The following EYS variants were observed in gnomAD, a reference collection of about 807,000 sequenced individuals.
EYS encodes the protein EGF-like photoreceptor maintenance factor.
EYS carries 250 observed loss-of-function variants against 282.1 expected under a neutral mutation model. The ratio of observed to expected loss-of-function variants is 0.89; its 90% CI spans 0.80 to 0.98. EYS has a LOEUF of 0.98. Among genes scored for constraint, EYS ranks in the 50% least tolerant of loss-of-function variants. The probability of loss-of-function intolerance (pLI) is 0.00; values close to 1 mark genes in which losing one functional copy is unlikely to be tolerated. For synonymous variants in EYS, 1,355 were observed against 1,282.9 expected (o/e 1.06, Z -1.20); for missense variants, 4,016 against 3,709.0 (o/e 1.08, Z -2.15).
At chr6:65,151,092 A>G (rs1764600333) in intron 12 of EYS, among the ~76,000 whole-genome samples, 1 of 152,030 alleles carries the variant, frequency 6.6e-6, no homozygotes, top group Non-Finnish European at 1.5e-5. Flanking sequence ...ATTTTTTAGT[A>G]TGACATTTTT....
intron 12 of EYS, among the ~76,000 whole-genome samples, chr6:65,066,332 C>A (rs1440536728): frequency 6.6e-6 from 1 of 152,136 alleles, no homozygotes; most frequent in Non-Finnish European, 1.5e-5. Flanking sequence ...CAATTTTGAA[C>A]CTATTTCCAG....
chr6:65,669,203 C>T (rs1768298305), intron 1 of EYS, among the ~76,000 whole-genome samples: 1 of 151,894 alleles, frequency 6.6e-6, no homozygotes, highest in Non-Finnish European at 1.5e-5. Flanking sequence ...TCTTGAGGTA[C>T]CTGCTTCTAA....
chr6:65,424,941 G>C (rs934312013), intron 5 of EYS, among the ~76,000 whole-genome samples: 1 of 151,974 alleles, frequency 6.6e-6, no homozygotes, highest in African/African-American at 2.4e-5. Flanking sequence ...AATAAATGAA[G>C]CTAGAGATTG....
At chr6:63,801,533 G>T (rs1770782367) in intron 37 of EYS, among the ~76,000 whole-genome samples, 1 of 152,150 alleles carries the variant, frequency 6.6e-6, no homozygotes, top group Non-Finnish European at 1.5e-5. Context: ...TACAGGAGGG[G>T]AAGTCATGTA....
At chr6:65,692,910 A>T (rs1339564341) in intron 1 of EYS, among the ~76,000 whole-genome samples, 2 of 150,168 alleles carry the variant, frequency 1.3e-5, no homozygotes. Flanking sequence ...TGGAAATAAT[A>T]ACTGCACCAT....
At chr6:63,768,353 A>C (rs370078533) in intron 40 of EYS, among the ~76,000 whole-genome samples, 23 of 152,204 alleles carry the variant, frequency 1.5e-4, no homozygotes, top group Non-Finnish European at 2.2e-4. Flanking sequence ...TCCAGAATCT[A>C]TAAGGAACTT....
At chr6:65,402,319 C>T (rs1044030230) in intron 7 of EYS, among the ~76,000 whole-genome samples, 159 bp downstream of exon 7, 1 of 151,656 alleles carries the variant, frequency 6.6e-6, no homozygotes, top group African/African-American at 2.4e-5. Flanking sequence ...CAACAATTAA[C>T]CCAAAACATG....
chr6:65,645,520 C>T (rs1052886540), intron 1 of EYS, among the ~76,000 whole-genome samples: 25 of 152,056 alleles, frequency 1.6e-4, no homozygotes, highest in Admixed American at 1.0e-3. Flanking sequence ...CTCTGGGATA[C>T]GGCAAAAGTG....
chr6:65,103,677 C>T (rs1372930416), intron 12 of EYS, among the ~76,000 whole-genome samples: 1 of 151,446 alleles, frequency 6.6e-6, no homozygotes, highest in Non-Finnish European at 1.5e-5. Context: ...CTTCTTTAGG[C>T]TACTCATCTT....
In EYS at chr6:64,822,533, C is replaced by T. The variant is rs546787517; in HGVS notation, c.3164+118G>A. 38 of 863,464 alleles carry T rather than the reference C, an allele frequency of 4.4e-5. No homozygotes were observed. The African/African-American group carries it at 5.8e-4, about 13-fold the overall frequency. The allele number at this position is 863,464 out of a possible 1,614,324, so 53.5% of individuals were successfully genotyped here. A position where few individuals can be genotyped will look rare whatever the true frequency, so the allele number is the denominator to read the frequency against. On this transcript the variant is annotated intron_variant, in intron 20 of 42. Coordinates refer to ENST00000503581, the MANE Select transcript of EYS (RefSeq NM_001142800.2). ...TCTGTCATCTTAAATGTACTTAGCTCTTGTTTTATGAAAGAGCATAATTAA... is the reference window on the plus strand; with the variant it reads ...TCTGTCATCTTAAATGTACTTAGCTTTTGTTTTATGAAAGAGCATAATTAA...
At chr6:64,313,981 A>G (rs923496321) in intron 29 of EYS, among the ~76,000 whole-genome samples, 1 of 152,114 alleles carries the variant, frequency 6.6e-6, no homozygotes, top group Admixed American at 6.6e-5. Flanking sequence ...ATAACCAGCA[A>G]GAATCATAAT....
intron 29 of EYS, among the ~76,000 whole-genome samples, chr6:64,370,713 G>C (rs1285388069): frequency 6.6e-6 from 1 of 151,946 alleles, no homozygotes; most frequent in Non-Finnish European, 1.5e-5. Flanking sequence ...TTATTGGTCT[G>C]TTCAGGGATT....
intron 35 of EYS, among the ~76,000 whole-genome samples, chr6:63,952,191 TCTGGCCA>T: frequency 6.6e-6 from 1 of 152,326 alleles, no homozygotes; most frequent in African/African-American, 2.4e-5. Context: ...GTGCCAGAAA[TCTGGCCA>T]CTGGGCCAAG....
intron 36 of EYS, among the ~76,000 whole-genome samples, chr6:63,846,844 TA>T (rs967118772): frequency 6.6e-5 from 10 of 152,020 alleles, no homozygotes; most frequent in East Asian, 1.9e-4. Context: ...TTGGGGTCAA[TA>T]AAAAAAATTT....
chr6:65,201,556 C>T (rs115819803), intron 12 of EYS, among the ~76,000 whole-genome samples: 52 of 152,258 alleles, frequency 3.4e-4, no homozygotes, highest in African/African-American at 1.2e-3. Context: ...CTTCCACCAT[C>T]TTATGCTAAT....
chr6:64,805,090 T>A (rs1450834892), intron 22 of EYS, among the ~76,000 whole-genome samples: 1 of 152,036 alleles, frequency 6.6e-6, no homozygotes, highest in Non-Finnish European at 1.5e-5. Context: ...TATTTTGAAA[T>A]CAATTAGTTG....
At chr6:64,806,104 C>T (rs1764414400) in intron 22 of EYS, among the ~76,000 whole-genome samples, 2 of 151,504 alleles carry the variant, frequency 1.3e-5, no homozygotes. Context: ...TGAATCTCTC[C>T]ATGTTGTGAA....
chr6:63,996,688 C>A (rs1767852942), intron 34 of EYS, among the ~76,000 whole-genome samples: 1 of 152,032 alleles, frequency 6.6e-6, no homozygotes, highest in Admixed American at 6.6e-5. Flanking sequence ...TGATCTTGGG[C>A]AGGAAACTCA....
At chr6:64,296,567 TATATATATATATATATACATATATATA>T (rs1769009321) in intron 30 of EYS, among the ~76,000 whole-genome samples, 3 of 6,794 alleles carry the variant, frequency 4.4e-4, no homozygotes, top group African/African-American at 1.4e-3. Context: ...TATATATATA[TATATATATATATATATACATATATATA>T]TATATTTTTT....
Sources: allele counts gnomAD v4.1 joint callset (sites outside exome capture counted in the v4.1 genomes callset), GRCh38; gene constraint gnomAD v4.1.1; transcripts MANE v1.5; gene names NCBI Gene and HGNC (gene_info 2026-07-23, HGNC 2026-07-21).